ST6GALNAC3: variants seen among roughly 807,000 people sequenced by gnomAD.
ST6GALNAC3 encodes the protein alpha-N-acetylgalactosaminide alpha-2,6-sialyltransferase 3.
ST6GALNAC3 carries 25 observed loss-of-function variants against 32.7 expected under a neutral mutation model. That is an observed-to-expected ratio of 0.76 (90% CI 0.56 to 1.07). The LOEUF (loss-of-function observed/expected upper bound fraction) is 1.07, where lower values mean the gene tolerates loss of function less well. ST6GALNAC3 is among the 50% of genes least tolerant of loss of function. The pLI is 0.00. For missense variants in ST6GALNAC3, 355 were observed against 382.4 expected, an observed-to-expected ratio of 0.93 and a Z score of 0.60; for synonymous variants, 129 against 133.1, an observed-to-expected ratio of 0.97 and a Z score of 0.21.
intron 3 of ST6GALNAC3, among the ~76,000 whole-genome samples, chr1:76,581,729 G>A (rs1364651174): frequency 8.0e-6 from 1 of 125,348 alleles, no homozygotes; most frequent in African/African-American, 3.8e-5. Flanking sequence ...TTACAAATAT[G>A]TACATATGTT....
intron 1 of ST6GALNAC3, among the ~76,000 whole-genome samples, chr1:76,258,922 G>A (rs1185159553): frequency 6.6e-6 from 1 of 152,132 alleles, no homozygotes; most frequent in Non-Finnish European, 1.5e-5. Context: ...CATTTACATT[G>A]TCCAAAATTT....
At position 76,352,656 on chromosome 1, in the gene ST6GALNAC3, C is replaced by G. The variant is rs1430013699; in HGVS notation, c.213+38657C>G. 2.6e-5 allele frequency among the ~76,000 whole-genome samples: 4 copies of G among 152,004 alleles called. No individual in the cohort carries two copies. In the East Asian group the frequency reaches 7.7e-4, roughly 29 times the overall value. ...TCTGTATAACTTTATACCTCCAGCC[C>G]TGACTCGTACCATGAGCCTCTGACT... On this transcript the variant is annotated intron_variant, in intron 2 of 4. Coordinates refer to ENST00000328299, the MANE Select transcript of ST6GALNAC3 (RefSeq NM_152996.4).
intron 1 of ST6GALNAC3, among the ~76,000 whole-genome samples, chr1:76,203,211 C>T (rs949580270): frequency 2.0e-5 from 3 of 152,156 alleles, no homozygotes; most frequent in African/African-American, 4.8e-5. Context: ...GCACTCAGAT[C>T]ACTGGAGGGG....
At chr1:76,198,287 C>T (rs1654324382) in intron 1 of ST6GALNAC3, among the ~76,000 whole-genome samples, 2 of 152,188 alleles carry the variant, frequency 1.3e-5, no homozygotes, top group Non-Finnish European at 2.9e-5. Flanking sequence ...CCTCCTGCCT[C>T]TGTTTCCCAA....
chr1:76,356,402 G>C (rs1051705387), intron 2 of ST6GALNAC3, among the ~76,000 whole-genome samples: 4 of 130,688 alleles, frequency 3.1e-5, no homozygotes, highest in Non-Finnish European at 4.6e-5. Context: ...CCCCGATCTA[G>C]ACTCTGGTGA....
rs554828657 is a variant in ST6GALNAC3, at chr1:76,178,289, G to A, written c.18+103405G>A. On this transcript the variant is annotated intron_variant, in intron 1 of 4. Transcript: ENST00000328299. Reference sequence around the variant, plus strand: ...TTTGTATTGAACTTACGAGATGGATGAAATAGGCTTCACTAGACCCAAGGG... The same window carrying A: ...TTTGTATTGAACTTACGAGATGGATAAAATAGGCTTCACTAGACCCAAGGG... Among the ~76,000 whole-genome samples, 249 of 152,350 alleles carry A rather than the reference G, an allele frequency of 1.6e-3. 1 individual carries two copies. The highest frequency in any genetic ancestry group is 5.7e-3 in the African/African-American group (235 of 41,588).
At chr1:76,625,401 A>G (rs771432643) in intron 3 of ST6GALNAC3, among the ~76,000 whole-genome samples, 43 of 151,860 alleles carry the variant, frequency 2.8e-4, no homozygotes, top group East Asian at 1.9e-4. Context: ...AGTGATCTCT[A>G]TGAGTGCTTG....
chr1:76,357,130 C>CTTTTTTTTTTTTTTTTTTTTGTTTTTT (rs55786044), intron 2 of ST6GALNAC3, among the ~76,000 whole-genome samples: 1 of 111,176 alleles, frequency 9.0e-6, no homozygotes, highest in Non-Finnish European at 1.7e-5. Context: ...TTTTCTTTTT[C>CTTTTTTTTTTTTTTTTTTTTGTTTTTT]TTTTTTTTTT....
chr1:76,562,331 C>T (rs1234206469), intron 3 of ST6GALNAC3, among the ~76,000 whole-genome samples: 1 of 152,060 alleles, frequency 6.6e-6, no homozygotes, highest in Non-Finnish European at 1.5e-5. Context: ...ATGTAAGAAG[C>T]TGAGATGATA....
intron 3 of ST6GALNAC3, among the ~76,000 whole-genome samples, chr1:76,572,943 T>C (rs572006652): frequency 1.3e-5 from 2 of 152,260 alleles, no homozygotes; most frequent in South Asian, 2.1e-4. Flanking sequence ...TGAAATTGCT[T>C]GTCTTATCAG....
intron 1 of ST6GALNAC3, among the ~76,000 whole-genome samples, chr1:76,260,164 G>C (rs200191583): frequency 6.6e-6 from 1 of 152,224 alleles, no homozygotes; most frequent in African/African-American, 2.4e-5. Context: ...AGTAATCCTG[G>C]TTTGAAAATG....
In ST6GALNAC3 at chr1:76,303,031, G is replaced by T. The variant is rs996791365; in HGVS notation, c.19-10774G>T. Among the ~76,000 whole-genome samples the T allele has an allele frequency of 9.0e-5, 11 of 122,190 alleles. No homozygotes were observed. In the Admixed American group the frequency reaches 9.8e-4, roughly 11 times the overall value. The allele number at this position is 122,190 out of a possible 152,430, so 80.2% of individuals were successfully genotyped here. A position where few individuals can be genotyped will look rare whatever the true frequency, so the allele number is the denominator to read the frequency against. On this transcript the variant is annotated intron_variant, in intron 1 of 4. Transcript: ENST00000328299. ...GTGTTCACCTCATGTAAATGAAGTGGTGGTCTGCAACCAGTCCGATTGGTT... is the reference window on the plus strand; with the variant it reads ...GTGTTCACCTCATGTAAATGAAGTGTTGGTCTGCAACCAGTCCGATTGGTT...
At chr1:76,362,010 C>A (rs527979953) in intron 2 of ST6GALNAC3, among the ~76,000 whole-genome samples, 1 of 149,740 alleles carries the variant, frequency 6.7e-6, no homozygotes, top group South Asian at 2.1e-4. Flanking sequence ...AAGAAAGATA[C>A]CTGAGACTGG....
chr1:76,622,087 G>A (rs1648682941), intron 3 of ST6GALNAC3, among the ~76,000 whole-genome samples: 2 of 151,926 alleles, frequency 1.3e-5, no homozygotes, highest in Admixed American at 1.3e-4. Context: ...CTTTTGAAAT[G>A]TTAGCTTTGA....
At chr1:76,215,592 G>A (rs149893092) in intron 1 of ST6GALNAC3, among the ~76,000 whole-genome samples, 24 of 152,284 alleles carry the variant, frequency 1.6e-4, no homozygotes, top group African/African-American at 5.5e-4. Context: ...AGTCTATTAA[G>A]TTACTTGCAT....
chr1:76,581,083 C>A (rs1054159473), intron 3 of ST6GALNAC3, among the ~76,000 whole-genome samples: 3 of 152,036 alleles, frequency 2.0e-5, no homozygotes, highest in African/African-American at 7.2e-5. Flanking sequence ...TCTGATTTCC[C>A]TGAATTGTTT....
intron 1 of ST6GALNAC3, among the ~76,000 whole-genome samples, chr1:76,309,475 C>A (rs1198192858): frequency 6.6e-6 from 1 of 152,126 alleles, no homozygotes; most frequent in Admixed American, 6.5e-5. Context: ...CGATGTGTAG[C>A]CTTCTGTCTC....
intron 1 of ST6GALNAC3, among the ~76,000 whole-genome samples, chr1:76,225,617 C>G (rs1179410020): frequency 6.6e-6 from 1 of 152,112 alleles, no homozygotes; most frequent in Non-Finnish European, 1.5e-5. Context: ...ATGCTTCACT[C>G]TATTTAGAGA....
chr1:76,512,375 G>A (rs1386147371), intron 3 of ST6GALNAC3, among the ~76,000 whole-genome samples: 2 of 151,910 alleles, frequency 1.3e-5, no homozygotes, highest in African/African-American at 4.8e-5. Flanking sequence ...CTTCTTGTTA[G>A]TAGATAAAAT....
Sources: allele counts gnomAD v4.1 joint callset (sites outside exome capture counted in the v4.1 genomes callset), GRCh38; gene constraint gnomAD v4.1.1; transcripts MANE v1.5; gene names NCBI Gene and HGNC (gene_info 2026-07-23, HGNC 2026-07-21).